Variants in UNC5C observed in about 807,000 individuals in gnomAD.
UNC5C encodes netrin receptor UNC5C.
A neutral mutation model predicts 99.8 loss-of-function variants in UNC5C; 47 were observed. The ratio of observed to expected loss-of-function variants is 0.47; its 90% CI spans 0.37 to 0.60. The LOEUF is 0.60. Ranked by LOEUF, UNC5C falls within the 20% of genes least tolerant of loss-of-function variation. The probability of loss-of-function intolerance (pLI) is 0.00; values close to 1 mark genes in which losing one functional copy is unlikely to be tolerated. For missense variants in UNC5C, 1,062 were observed against 1,165.9 expected (o/e 0.91, Z 1.30); for synonymous variants, 487 against 452.2 (o/e 1.08, Z -0.98).
chr4:95,413,158 C>T (rs972194468), intron 1 of UNC5C, among the ~76,000 whole-genome samples: 1 of 152,184 alleles, frequency 6.6e-6, no homozygotes, highest in African/African-American at 2.4e-5. Flanking sequence ...ATTCCAACCT[C>T]CTGATTTACA....
intron 1 of UNC5C, among the ~76,000 whole-genome samples, chr4:95,436,853 T>C (rs1746808155): frequency 6.6e-6 from 1 of 151,872 alleles, no homozygotes; most frequent in Admixed American, 6.6e-5. Flanking sequence ...TGGAATTTTC[T>C]AGCATCTAAT....
chr4:95,384,764 G>C (rs980982716), intron 1 of UNC5C, among the ~76,000 whole-genome samples: 2 of 152,106 alleles, frequency 1.3e-5, no homozygotes, highest in Admixed American at 6.6e-5. Flanking sequence ...TAGGCAGGGG[G>C]ATATTGCAAA....
At chr4:95,543,422 T>C (rs1315538682) in intron 1 of UNC5C, among the ~76,000 whole-genome samples, 5 of 152,200 alleles carry the variant, frequency 3.3e-5, no homozygotes, top group African/African-American at 1.2e-4. Context: ...ATATATGTCA[T>C]CTAGATTATC....
At chr4:95,527,666 G>T (rs888898644) in intron 1 of UNC5C, among the ~76,000 whole-genome samples, 20 of 151,868 alleles carry the variant, frequency 1.3e-4, no homozygotes, top group Non-Finnish European at 2.9e-4. Context: ...TATTTTTATG[G>T]ACATATAATT....
intron 1 of UNC5C, among the ~76,000 whole-genome samples, chr4:95,337,263 CAT>C (rs570715554): frequency 2.6e-5 from 4 of 151,998 alleles, no homozygotes; most frequent in South Asian, 4.2e-4. Context: ...ACACATAAAA[CAT>C]GTGACTGTAT....
intron 12 of UNC5C, among the ~76,000 whole-genome samples, chr4:95,192,688 C>CTCCTCCCCTGCTCACT (rs1336220346): frequency 6.6e-6 from 1 of 151,258 alleles, no homozygotes. Context: ...TCTGTTCACC[C>CTCCTCCCCTGCTCACT]TCCTCCCCTG....
intron 12 of UNC5C, among the ~76,000 whole-genome samples, chr4:95,200,837 A>G (rs13116313): frequency 0.68 from 102,976 of 151,974 alleles, 35,410 homozygotes; most frequent in Middle Eastern, 0.89. Flanking sequence ...GAAAAGGCAC[A>G]GTCACTGTTA....
intron 1 of UNC5C, among the ~76,000 whole-genome samples, chr4:95,534,763 A>G (rs1217523740): frequency 6.6e-6 from 1 of 152,144 alleles, no homozygotes; most frequent in Non-Finnish European, 1.5e-5. Context: ...TATATATTTA[A>G]GAGTAGGGTA....
intron 1 of UNC5C, among the ~76,000 whole-genome samples, chr4:95,391,987 G>A (rs1185199138): frequency 3.3e-5 from 5 of 152,118 alleles, no homozygotes; most frequent in East Asian, 1.9e-4. Context: ...AGCCCCAGAC[G>A]TCGAGGCTGC....
At chr4:95,328,909 G>A (rs1019339054) in intron 2 of UNC5C, among the ~76,000 whole-genome samples, 4 of 152,074 alleles carry the variant, frequency 2.6e-5, no homozygotes, top group Non-Finnish European at 2.9e-5. Context: ...AAAGGCACTC[G>A]CCCCAGCTCC....
chr4:95,357,767 G>A (rs1382664285), intron 1 of UNC5C, among the ~76,000 whole-genome samples: 1 of 151,958 alleles, frequency 6.6e-6, no homozygotes, highest in East Asian at 1.9e-4. Flanking sequence ...CTCCATCCTG[G>A]GTGACAGAGC....
At chr4:95,191,232 C>T (rs530195670) in intron 12 of UNC5C, among the ~76,000 whole-genome samples, 56 of 152,318 alleles carry the variant, frequency 3.7e-4, no homozygotes, top group African/African-American at 1.3e-3. Context: ...TCATCTGCCT[C>T]ATCTGCTTCT....
At chr4:95,481,646 G>A (rs1349074020) in intron 1 of UNC5C, among the ~76,000 whole-genome samples, 1 of 152,038 alleles carries the variant, frequency 6.6e-6, no homozygotes, top group Non-Finnish European at 1.5e-5. Flanking sequence ...GCATGGTACT[G>A]GTACCAAAAC....
At chr4:95,460,049 A>T (rs1429163703) in intron 1 of UNC5C, among the ~76,000 whole-genome samples, 2 of 152,140 alleles carry the variant, frequency 1.3e-5, no homozygotes, top group Admixed American at 6.6e-5. Context: ...TTCTTGTGGA[A>T]ATAAATTTTT....
At chr4:95,176,069 C>A (rs1736328861) in intron 14 of UNC5C, among the ~76,000 whole-genome samples, 1 of 151,464 alleles carries the variant, frequency 6.6e-6, no homozygotes, top group Non-Finnish European at 1.5e-5. Context: ...TCACGTAGTT[C>A]TTGAGCCTTG....
rs116051513 is a variant in UNC5C at position 95,330,799 on chromosome 4, C to T, written c.346+4611G>A. 7.6e-3 allele frequency among the ~76,000 whole-genome samples: 1,148 copies of T among 152,016 alleles called. 15 individuals are homozygous for T. Among genetic ancestry groups the T allele is most frequent in the African/African-American group, 0.026 (1,089 of 41,474 alleles). On this transcript the variant is annotated intron_variant, in intron 2 of 15. Transcript: ENST00000453304. ...ATAATGGTATCTGTGGGCATCTTTG[C>T]CTTTTTCCTAACTTCATTCTTTTTA... is the stretch of plus-strand genomic sequence containing the variant.
chr4:95,413,779 C>T (rs746651882), intron 1 of UNC5C, among the ~76,000 whole-genome samples: 2 of 152,194 alleles, frequency 1.3e-5, no homozygotes, highest in Non-Finnish European at 2.9e-5. Flanking sequence ...AGCAGAAGAA[C>T]ATAAATATTC....
chr4:95,375,986 G>C lies in UNC5C; in HGVS notation c.125-40355C>G, dbSNP rs180756684. On this transcript the variant is annotated intron_variant, in intron 1 of 15. Transcript: ENST00000453304. ...GAGAATGGCGTGAACCTGGGAGGCG[G>C]AGCTTGCAGTGAGCCGAGATCATGC... Among the ~76,000 whole-genome samples, 20 of 152,206 alleles carry C rather than the reference G, an allele frequency of 1.3e-4. No homozygotes were observed. In the East Asian group the frequency reaches 3.9e-3, roughly 29 times the overall value.
intron 3 of UNC5C, among the ~76,000 whole-genome samples, chr4:95,280,384 A>G (rs943816056): frequency 1.3e-5 from 2 of 152,172 alleles, no homozygotes; most frequent in Non-Finnish European, 2.9e-5. Flanking sequence ...GACATTGAAT[A>G]TATTGTAGAA....
Sources: gnomAD v4.1 joint callset for allele counts (sites outside exome capture counted in the v4.1 genomes callset) on GRCh38, gnomAD v4.1.1 for gene constraint, MANE v1.5 for transcripts, NCBI Gene and HGNC (gene_info 2026-07-23, HGNC 2026-07-21) for gene names.